The following ESCO1 variants were observed in gnomAD, a reference collection of about 807,000 sequenced individuals.
The protein encoded by ESCO1 is establishment of sister chromatid cohesion N-acetyltransferase 1.
In ESCO1, 33 loss-of-function variants were observed where a neutral mutation model predicts 83.5. The observed-to-expected ratio is 0.40, with a 90% confidence interval of 0.30 to 0.53. ESCO1 has a LOEUF of 0.53. ESCO1 is among the 20% of genes least tolerant of loss of function. ESCO1 has a pLI of 0.63. For missense variants in ESCO1, 855 were observed against 968.0 expected, an observed-to-expected ratio of 0.88 and a Z score of 1.55; for synonymous variants, 332 against 324.3, an observed-to-expected ratio of 1.02 and a Z score of -0.25.
At chr18:21,558,501 G>A (rs570538725) in intron 8 of ESCO1, among the ~76,000 whole-genome samples, 135 of 152,134 alleles carry the variant, frequency 8.9e-4, no homozygotes, top group Non-Finnish European at 1.8e-3. Context: ...GGCCAAGGTG[G>A]GTGGATCACC....
chr18:21,569,775 C>T (rs958656417), intron 4 of ESCO1, among the ~76,000 whole-genome samples: 8 of 152,014 alleles, frequency 5.3e-5, no homozygotes, highest in South Asian at 2.1e-4. Flanking sequence ...CACTTGAACC[C>T]GGGAGGCGGA....
chr18:21,593,641 A>G (rs1284082560), intron 1 of ESCO1, among the ~76,000 whole-genome samples: 2 of 54,570 alleles, frequency 3.7e-5, no homozygotes, highest in Non-Finnish European at 9.7e-5. Flanking sequence ...GCCACCACAG[A>G]TTCTTAATCT....
chr18:21,588,443 T>TA (rs71371361), intron 1 of ESCO1, among the ~76,000 whole-genome samples: 16,486 of 141,634 alleles, frequency 0.12, 1,209 homozygotes, highest in Non-Finnish European at 0.17. Flanking sequence ...TACTTTACTC[T>TA]AAAAAAAAAA....
chr18:21,531,235 A>G (rs1217983813), intron 11 of ESCO1, among the ~76,000 whole-genome samples: 3 of 150,698 alleles, frequency 2.0e-5, no homozygotes, highest in Non-Finnish European at 3.0e-5. Flanking sequence ...TAAGCCCAAG[A>G]GTTCAAGGCC....
intron 8 of ESCO1, among the ~76,000 whole-genome samples, chr18:21,556,837 A>G (rs747788924): frequency 2.0e-5 from 3 of 152,062 alleles, no homozygotes; most frequent in Non-Finnish European, 4.4e-5. Context: ...AGTAGCTGGG[A>G]TTACAGGCGC....
In ESCO1 at chr18:21,578,025, AGG is replaced by A. The variant is rs2038443735; in HGVS notation, c.-693-2250_-693-2249del. 3.3e-5 allele frequency among the ~76,000 whole-genome samples: 5 copies of A among 152,222 alleles called. No individual in the cohort carries two copies. In the East Asian group the frequency reaches 9.7e-4, roughly 29 times the overall value. ...GAGAAAATACCTAAAAATACTGATA[AGG>A]TCTACCTATAATCGCTAAGACACAC... On this transcript the variant is annotated intron_variant, in intron 2 of 11. Transcript: ENST00000269214.
In ESCO1 at chr18:21,574,525, A is replaced by T; in HGVS notation, c.319T>A (p.Leu107Ile). The change falls in exon 4 of 12, where the codon TTA becomes ATA. Residue 107 changes from leucine to isoleucine, a missense_variant. Around this residue, in one of 2 missense-constraint regions of ESCO1, gnomAD observed 726 missense variants for 699.5 expected, o/e 1.04. Transcript: ENST00000269214. The part of the protein sequence containing the change: ...STKKKLSQKK[L>I]VHENPKANEQ... ...TTTGCTTTAGGGTTTTCATGTACTA[A>T]TTTTTTCTGAGATAATTTCTTTTTT... 6.2e-7 allele frequency: 1 copy of T among 1,613,512 alleles called. No individual in the cohort carries two copies. The highest frequency in any genetic ancestry group is 8.5e-7 in the Non-Finnish European group (1 of 1,179,884).
chr18:21,599,099 T>C (rs950575687), intron 1 of ESCO1, among the ~76,000 whole-genome samples: 2 of 151,978 alleles, frequency 1.3e-5, no homozygotes, highest in East Asian at 3.9e-4. Flanking sequence ...CCCAGCACTT[T>C]TGGAGGCCCA....
At chr18:21,548,731 G>A (rs1438633192) in intron 8 of ESCO1, among the ~76,000 whole-genome samples, 1 of 152,126 alleles carries the variant, frequency 6.6e-6, no homozygotes, top group African/African-American at 2.4e-5. Flanking sequence ...CTTAAGCCCA[G>A]AAGTTTGAGA....
At chr18:21,595,781 G>A (rs2038757461) in intron 1 of ESCO1, among the ~76,000 whole-genome samples, 1 of 151,182 alleles carries the variant, frequency 6.6e-6, no homozygotes, top group Non-Finnish European at 1.5e-5. Context: ...GGCTAACACA[G>A]TGAAACCTCG....
chr18:21,598,269 T>A (rs563448488), intron 1 of ESCO1, among the ~76,000 whole-genome samples: 2 of 152,348 alleles, frequency 1.3e-5, no homozygotes, highest in African/African-American at 4.8e-5. Context: ...CAGCTCTGCA[T>A]AATAAATTAC....
In ESCO1 at chr18:21,574,483, T is replaced by G; in HGVS notation, c.361A>C (p.Arg121=). ...NPKANEQLNR[R]SQRLQQLTEV... ...GTTAATTGTTGTAGCCTTTGTGATC[T>G]CCGGTTAAGCTGTTCATTTGCTTTA... The change falls in exon 4 of 12, where the codon AGA becomes CGA. Residue 121 remains arginine (R), a synonymous_variant. Transcript: ENST00000269214. 1.2e-6 allele frequency: 2 copies of G among 1,614,194 alleles called. No homozygotes were observed. The highest frequency in any genetic ancestry group is 8.5e-7 in the Non-Finnish European group (1 of 1,180,032).
At chr18:21,586,949 A>C (rs1290723649) in intron 1 of ESCO1, among the ~76,000 whole-genome samples, 1 of 152,158 alleles carries the variant, frequency 6.6e-6, no homozygotes, top group African/African-American at 2.4e-5. Context: ...TTTATCATGA[A>C]AGGATATTTC....
chr18:21,575,116 T>C lies in ESCO1; in HGVS notation c.-273A>G. 2.7e-6 allele frequency: 1 copy of C among 367,548 alleles called. No homozygotes were observed. Among genetic ancestry groups the C allele is most frequent in the East Asian group, 4.0e-5 (1 of 25,050 alleles). The allele number at this position is 367,548 out of a possible 1,614,324, so 22.8% of individuals were successfully genotyped here. ...AAAATTTGAGGAAAATTTTGATTAT[T>C]TTTAATAAGTTTTTTTATCAAAAGA... is the stretch of plus-strand genomic sequence containing the variant. On this transcript the variant is annotated 5_prime_UTR_variant, in exon 4 of 12. Transcript: ENST00000269214.
chr18:21,568,136 T>A lies in ESCO1; in HGVS notation c.1531-42A>T, dbSNP rs913277454. On this transcript the variant is annotated intron_variant, in intron 4 of 11. Transcript: ENST00000269214. ...CAAAATTTTTACATCAACTTTGGGT[T>A]TTATCTAAATAAACTTTCAGTAAAT... 5 of 1,419,446 alleles carry A rather than the reference T, an allele frequency of 3.5e-6. No individual in the cohort carries two copies. The South Asian group carries it at 6.1e-5, about 17-fold the overall frequency. 87.9% of individuals were successfully genotyped at this position (1,419,446 alleles called of 1,614,324 possible).
intron 6 of ESCO1, among the ~76,000 whole-genome samples, chr18:21,564,945 G>A (rs1027067870): frequency 1.4e-4 from 21 of 151,918 alleles, no homozygotes; most frequent in African/African-American, 3.6e-4. Flanking sequence ...GTGTGGCAGC[G>A]TGTGCCTGTA....
intron 9 of ESCO1, among the ~76,000 whole-genome samples, chr18:21,538,927 TA>T (rs1413954273): frequency 6.6e-6 from 1 of 152,104 alleles, no homozygotes; most frequent in Non-Finnish European, 1.5e-5. Flanking sequence ...AAAATAAGTT[TA>T]CCTTTTGGTT....
intron 8 of ESCO1, among the ~76,000 whole-genome samples, chr18:21,553,645 G>C (rs2146190651): frequency 6.6e-6 from 1 of 151,848 alleles, no homozygotes; most frequent in South Asian, 2.1e-4. Context: ...ATCACCTGAG[G>C]TCGGGAGTTC....
At chr18:21,538,287 TA>T (rs34369531) in intron 9 of ESCO1, among the ~76,000 whole-genome samples, 3,726 of 124,718 alleles carry the variant, frequency 0.03, 118 homozygotes, top group African/African-American at 0.089. Context: ...CCCTGTCTCT[TA>T]AAAAAAAAAA....
Sources: allele counts gnomAD v4.1 joint callset (sites outside exome capture counted in the v4.1 genomes callset), GRCh38; gene constraint gnomAD v4.1.1; regional missense constraint gnomAD v4.1.1; transcripts MANE v1.5; gene names NCBI Gene and HGNC (gene_info 2026-07-23, HGNC 2026-07-21).